Variants in TCP11L2 observed in about 807,000 individuals in gnomAD.
TCP11L2 encodes T-complex protein 11-like protein 2.
TCP11L2 carries 39 observed loss-of-function variants against 50.7 expected under a neutral mutation model. The observed-to-expected ratio is 0.77, with a 90% CI of 0.60 to 1.01. The LOEUF is 1.01. Ranked by LOEUF, TCP11L2 falls within the 50% of genes least tolerant of loss-of-function variation. The pLI, the probability that TCP11L2 is intolerant of heterozygous loss-of-function variation, is 0.00. For missense variants in TCP11L2, 612 were observed against 614.7 expected (o/e 1.00, Z 0.05); for synonymous variants, 192 against 219.3 (o/e 0.88, Z 1.10).
chr12:106,305,557 G>C (rs928934931), intron 1 of TCP11L2, among the ~76,000 whole-genome samples: 4 of 152,192 alleles, frequency 2.6e-5, no homozygotes, highest in Non-Finnish European at 5.9e-5. Context: ...TGAGTAATGT[G>C]AGTGAGGCAG....
At chr12:106,334,917 G>T (rs1334822925) in intron 6 of TCP11L2, among the ~76,000 whole-genome samples, 3 of 151,896 alleles carry the variant, frequency 2.0e-5, no homozygotes, top group Non-Finnish European at 4.4e-5. Context: ...CTCCAGCCTG[G>T]GTGACAGAGT....
At chr12:106,316,872 T>G (rs1435087832) in intron 3 of TCP11L2, among the ~76,000 whole-genome samples, 1 of 152,192 alleles carries the variant, frequency 6.6e-6, no homozygotes, top group Non-Finnish European at 1.5e-5. Context: ...TGTTTTAAAG[T>G]TAAAATTTGT....
At chr12:106,330,817 G>C (rs541101464) in intron 6 of TCP11L2, among the ~76,000 whole-genome samples, 1 of 152,196 alleles carries the variant, frequency 6.6e-6, no homozygotes, top group South Asian at 2.1e-4. Flanking sequence ...CCTTGCAGAG[G>C]CATCTTTTGA....
At chr12:106,307,596 T>A (rs2034682544) in intron 1 of TCP11L2, among the ~76,000 whole-genome samples, 2 of 152,224 alleles carry the variant, frequency 1.3e-5, no homozygotes, top group South Asian at 4.1e-4. Context: ...GTGACTTACT[T>A]GGAAACTCAA....
intron 1 of TCP11L2, chr12:106,303,650 G>A (rs1282715309): frequency 6.6e-6 from 1 of 152,234 alleles, no homozygotes; most frequent in African/African-American, 2.4e-5. Flanking sequence ...ACCACTGGGG[G>A]TAATAGCAAT....
chr12:106,311,538 C>T (rs1471241729), intron 2 of TCP11L2, among the ~76,000 whole-genome samples: 3 of 152,236 alleles, frequency 2.0e-5, no homozygotes, highest in Non-Finnish European at 4.4e-5. Context: ...GAGATTACTT[C>T]TTAGATCTCC....
Position 106,314,339 on chromosome 12 carries a change from G to T in TCP11L2, c.158-19G>T, listed in dbSNP as rs1275075009. 6.3e-7 allele frequency: 1 copy of T among 1,592,864 alleles called. No individual in the cohort carries two copies. The highest frequency in any genetic ancestry group is 8.6e-7 in the Non-Finnish European group (1 of 1,163,940). Reference sequence around the variant, plus strand: ...AACTTTTCTTCTGCAACATTAACTGGCTTTTGTTTTTCTTTCAGCAACAAG... The same window carrying T: ...AACTTTTCTTCTGCAACATTAACTGTCTTTTGTTTTTCTTTCAGCAACAAG... On this transcript the variant is annotated intron_variant, in intron 2 of 9. Coordinates refer to ENST00000299045, the MANE Select transcript of TCP11L2 (RefSeq NM_152772.3).
chr12:106,322,761 T>A (rs1199570120), intron 5 of TCP11L2, among the ~76,000 whole-genome samples: 1 of 152,212 alleles, frequency 6.6e-6, no homozygotes, highest in African/African-American at 2.4e-5. Context: ...GGCAGGTTAA[T>A]AGACTCTCAA....
intron 3 of TCP11L2, among the ~76,000 whole-genome samples, chr12:106,316,586 G>A (rs1466182737): frequency 1.3e-5 from 2 of 152,086 alleles, no homozygotes; most frequent in African/African-American, 4.8e-5. Flanking sequence ...AAAGGTCACT[G>A]ACTTAAAGAG....
At chr12:106,315,565 T>G (rs2035044084) in intron 3 of TCP11L2, among the ~76,000 whole-genome samples, 1 of 152,210 alleles carries the variant, frequency 6.6e-6, no homozygotes, top group East Asian at 1.9e-4. Flanking sequence ...TCAAGACATA[T>G]TTGCACATTG....
chr12:106,327,639 G>A (rs944967651), intron 6 of TCP11L2, among the ~76,000 whole-genome samples: 1 of 152,208 alleles, frequency 6.6e-6, no homozygotes, highest in African/African-American at 2.4e-5. Context: ...GAAGCAGAGT[G>A]TATGTCAGCT....
rs373176252 is a variant in TCP11L2, at chr12:106,336,213, A to G, written c.1142A>G (p.Glu381Gly). Reference sequence around the variant, plus strand: ...GTTCTACTTGAAGGCATGAACAAAGAGTAAGTTCCAAATTTTTGCATCTGC... The same window carrying G: ...GTTCTACTTGAAGGCATGAACAAAGGGTAAGTTCCAAATTTTTGCATCTGC... ...SAVLLEGMNK[E>G]TFNLKEVLNS... Residue 381 changes from glutamate to glycine, a missense_variant and splice_region_variant, in exon 8 of 10, where the codon GAG (glutamate) becomes GGG (glycine). By Grantham distance (98) the Glu-to-Gly change is moderately conservative. Coordinates refer to ENST00000299045, the MANE Select transcript of TCP11L2 (RefSeq NM_152772.3). 6 of 1,602,194 alleles carry G rather than the reference A, an allele frequency of 3.7e-6. No individual in the cohort carries two copies. Among genetic ancestry groups the G allele is most frequent in the African/African-American group, 1.3e-5 (1 of 74,104 alleles).
chr12:106,307,255 A>G (rs2034669773), intron 1 of TCP11L2: 1 of 152,238 alleles, frequency 6.6e-6, no homozygotes, highest in Non-Finnish European at 1.5e-5. Context: ...CAAAAATGTG[A>G]ATATGACAGT....
At chr12:106,305,897 A>G (rs2034612354) in intron 1 of TCP11L2, among the ~76,000 whole-genome samples, 1 of 152,244 alleles carries the variant, frequency 6.6e-6, no homozygotes, top group South Asian at 2.1e-4. Context: ...GTGGGAGAAC[A>G]CTGCAGAATA....
chr12:106,335,844 T>A lies in TCP11L2; in HGVS notation c.960+18T>A. On this transcript the variant is annotated intron_variant, in intron 7 of 9. Transcript: ENST00000299045. ...TACCAGAGGTGAGTGGTTTTGTTCT[T>A]CACCCAAATTTCCCAGTATTTTTAT... The A allele has an allele frequency of 6.2e-7, 1 of 1,605,112 alleles. No individual in the cohort carries two copies. Among genetic ancestry groups the A allele is most frequent in the Non-Finnish European group, 8.5e-7 (1 of 1,176,130 alleles).
intron 1 of TCP11L2, among the ~76,000 whole-genome samples, chr12:106,309,025 A>G (rs996283836): frequency 6.6e-6 from 1 of 152,240 alleles, no homozygotes; most frequent in African/African-American, 2.4e-5. Context: ...CGCTGCAGAC[A>G]TACCAAGAGG....
At chr12:106,301,154 CA>C (rs1279100972), upstream of TCP11L2, among the ~76,000 whole-genome samples, 1 of 152,148 alleles carries the variant, frequency 6.6e-6, no homozygotes, top group East Asian at 1.9e-4. Flanking sequence ...CAACGAATGA[CA>C]CAAATAAGAG....
intron 9 of TCP11L2, among the ~76,000 whole-genome samples, chr12:106,343,061 G>A (rs2036134996): frequency 6.6e-6 from 1 of 152,178 alleles, no homozygotes; most frequent in Non-Finnish European, 1.5e-5. Context: ...AGCAACTTAA[G>A]TGACTCACTT....
chr12:106,312,377 T>C (rs1345842103), intron 2 of TCP11L2: 2 of 1,240,450 alleles, frequency 1.6e-6, no homozygotes, highest in African/African-American at 1.6e-5. Flanking sequence ...TATATAGACA[T>C]TTTTAAGGAG....
Sources: allele counts gnomAD v4.1 joint callset (sites outside exome capture counted in the v4.1 genomes callset), GRCh38; gene constraint gnomAD v4.1.1; transcripts MANE v1.5; gene names NCBI Gene and HGNC (gene_info 2026-07-23, HGNC 2026-07-21).